ENTREP2: variants seen among roughly 807,000 people sequenced by gnomAD.
The protein encoded by ENTREP2 is protein ENTREP2.
the ENTREP2 span, among the ~76,000 whole-genome samples, chr15:29,529,783 C>T: frequency 7.2e-5 from 11 of 152,090 alleles, no homozygotes; most frequent in Admixed American, 6.6e-5. Context: ...AAAATTTCTA[C>T]CTTAGGGTTT....
the ENTREP2 span, among the ~76,000 whole-genome samples, chr15:29,322,168 T>C: frequency 6.6e-6 from 1 of 152,200 alleles, no homozygotes; most frequent in Non-Finnish European, 1.5e-5. Flanking sequence ...GACAAACTTA[T>C]ATATATGTAT....
At chr15:29,349,769 G>A in the ENTREP2 span, among the ~76,000 whole-genome samples, 6 of 152,192 alleles carry the variant, frequency 3.9e-5, no homozygotes, top group South Asian at 2.1e-4. Context: ...GTGGAGGCGC[G>A]TACCTGTAGT....
chr15:29,171,467 T>C, the ENTREP2 span, among the ~76,000 whole-genome samples: 1 of 152,116 alleles, frequency 6.6e-6, no homozygotes, highest in East Asian at 1.9e-4. Context: ...GGCAAGATGA[T>C]CCCAACTCAG....
the ENTREP2 span, among the ~76,000 whole-genome samples, chr15:29,670,512 C>T: frequency 2.6e-5 from 4 of 152,194 alleles, no homozygotes; most frequent in African/African-American, 9.7e-5. Flanking sequence ...ACAATGCCAC[C>T]ACTTAAGAGG....
At chr15:29,211,260 T>G in the ENTREP2 span, among the ~76,000 whole-genome samples, 4 of 152,244 alleles carry the variant, frequency 2.6e-5, no homozygotes, top group South Asian at 8.3e-4. Flanking sequence ...ATGAAGCCAG[T>G]GGAGAGTCAT....
the ENTREP2 span, among the ~76,000 whole-genome samples, chr15:29,583,823 T>C: frequency 3.3e-5 from 5 of 152,240 alleles, no homozygotes; most frequent in East Asian, 9.7e-4. Context: ...CACTGATATA[T>C]TGCTCCTTTT....
chr15:29,315,316 C>T, the ENTREP2 span, among the ~76,000 whole-genome samples: 1 of 152,176 alleles, frequency 6.6e-6, no homozygotes, highest in African/African-American at 2.4e-5. Flanking sequence ...GAAGGCTAGC[C>T]CTTCCAGATA....
the ENTREP2 span, among the ~76,000 whole-genome samples, chr15:29,408,518 T>C: frequency 6.6e-6 from 1 of 152,178 alleles, no homozygotes; most frequent in Non-Finnish European, 1.5e-5. Flanking sequence ...CTGGGTGAAG[T>C]ATGAGAAACT....
the ENTREP2 span, among the ~76,000 whole-genome samples, chr15:29,255,344 A>G: frequency 6.6e-6 from 1 of 152,302 alleles, no homozygotes; most frequent in South Asian, 2.1e-4. Flanking sequence ...ATCTCACACC[A>G]GGCTATTACT....
the ENTREP2 span, among the ~76,000 whole-genome samples, chr15:29,290,227 G>C: frequency 6.6e-6 from 1 of 152,130 alleles, no homozygotes; most frequent in Non-Finnish European, 1.5e-5. Context: ...TTTCCCTGAG[G>C]GCACTCTCCC....
the ENTREP2 span, among the ~76,000 whole-genome samples, chr15:29,490,234 C>T: frequency 6.6e-6 from 1 of 151,832 alleles, no homozygotes; most frequent in East Asian, 2.0e-4. Flanking sequence ...GGAGTTTCTT[C>T]CTTCTCTCCC....
the ENTREP2 span, among the ~76,000 whole-genome samples, chr15:29,137,965 G>C: frequency 6.6e-6 from 1 of 151,772 alleles, no homozygotes; most frequent in Non-Finnish European, 1.5e-5. Flanking sequence ...TGTGGGAAAT[G>C]CCACATGCTC....
the ENTREP2 span, among the ~76,000 whole-genome samples, chr15:29,653,926 A>G: frequency 6.6e-6 from 1 of 152,176 alleles, no homozygotes; most frequent in African/African-American, 2.4e-5. Context: ...TCTGACTTCT[A>G]ATGTGTCCCT....
At chr15:29,335,483 C>G in the ENTREP2 span, among the ~76,000 whole-genome samples, 2 of 152,174 alleles carry the variant, frequency 1.3e-5, no homozygotes, top group Non-Finnish European at 2.9e-5. Flanking sequence ...GTCACTGCAA[C>G]GCTTGCAAGC....
At chr15:29,133,479 C>T in the ENTREP2 span, among the ~76,000 whole-genome samples, 3 of 152,174 alleles carry the variant, frequency 2.0e-5, no homozygotes, top group African/African-American at 7.2e-5. Flanking sequence ...CACGTGCCGT[C>T]CACTCCTTTA....
At chr15:29,460,489 C>T in the ENTREP2 span, among the ~76,000 whole-genome samples, 3 of 151,838 alleles carry the variant, frequency 2.0e-5, no homozygotes, top group East Asian at 2.0e-4. Flanking sequence ...AAAATTAGCC[C>T]GGCACGGTGG....
the ENTREP2 span, among the ~76,000 whole-genome samples, chr15:29,409,699 G>C: frequency 6.6e-6 from 1 of 151,538 alleles, no homozygotes; most frequent in African/African-American, 2.4e-5. Context: ...CCTGGCTCAA[G>C]TGATCCTCCT....
At chr15:29,330,942 A>C in the ENTREP2 span, among the ~76,000 whole-genome samples, 1 of 152,154 alleles carries the variant, frequency 6.6e-6, no homozygotes, top group Non-Finnish European at 1.5e-5. Flanking sequence ...ACAGCCAACC[A>C]CACCCCACCC....
chr15:29,125,883 C>CT, the ENTREP2 span, among the ~76,000 whole-genome samples: 1 of 152,194 alleles, frequency 6.6e-6, no homozygotes, highest in African/African-American at 2.4e-5. Context: ...GAAAACGCAC[C>CT]TGTGTCTGCG....
Sources: allele counts gnomAD v4.1 joint callset (sites outside exome capture counted in the v4.1 genomes callset), GRCh38; gene constraint gnomAD v4.1.1; transcripts MANE v1.5; gene names NCBI Gene and HGNC (gene_info 2026-07-23, HGNC 2026-07-21).